The following RCC2 variants were observed in gnomAD, a reference collection of about 807,000 sequenced individuals.
The protein encoded by RCC2 is protein RCC2.
In RCC2, 19 loss-of-function variants were observed where a neutral mutation model predicts 64.1. The observed-to-expected ratio is 0.30, with a 90% CI of 0.21 to 0.44. The LOEUF (loss-of-function observed/expected upper bound fraction) is 0.44. RCC2 is among the 20% of genes least tolerant of loss of function. The pLI is 1.00. For missense variants in RCC2, 508 were observed against 710.4 expected, an observed-to-expected ratio of 0.72 and a Z score of 3.24; for synonymous variants, 325 against 279.6, an observed-to-expected ratio of 1.16 and a Z score of -1.62.
chr1:17,417,921 CA>C (rs1352758180), intron 7 of RCC2, among the ~76,000 whole-genome samples: 1 of 151,982 alleles, frequency 6.6e-6, no homozygotes, highest in African/African-American at 2.4e-5. Context: ...ATAATACAAA[CA>C]ATACAAGTAA....
rs188724793 is a variant in RCC2, at chr1:17,430,864, G to A, written c.286-1665C>T. ...TTGCCTCAGCCTCCCAAGTAGCTGG[G>A]ATTACAGACACTCAGCTAATTTTGT... On this transcript the variant is annotated intron_variant, in intron 2 of 12. Transcript: ENST00000375436. 2.6e-5 allele frequency among the ~76,000 whole-genome samples: 4 copies of A among 151,924 alleles called. 1 individual carries two copies. The highest frequency in any genetic ancestry group is 5.9e-5 in the Non-Finnish European group (4 of 67,964).
chr1:17,422,251 C>T lies in RCC2; in HGVS notation c.696G>A (p.Gly232=), dbSNP rs1430063815. ...SVFAFGENKM[G]QLGLGNQTDA... is the part of the protein sequence containing the mutation. ...CTGTCTGGTTGCCAAGGCCCAGCTG[C>T]CCCATCTTGTTTTCCCCAAACGCAA... Residue 232 remains glycine, a synonymous_variant, in exon 6 of 13, where the codon GGG becomes GGA. Transcript: ENST00000375436. 1.2e-6 allele frequency: 2 copies of T among 1,612,126 alleles called. No individual in the cohort carries two copies. The highest frequency in any genetic ancestry group is 1.7e-6 in the Non-Finnish European group (2 of 1,179,882).
At chr1:17,422,878 T>C (rs1428557341) in intron 4 of RCC2, 42 bp from the exon 5 acceptor site, 1 of 1,612,210 alleles carries the variant, frequency 6.2e-7, no homozygotes, top group Admixed American at 1.7e-5. Context: ...GAGAGGGTGG[T>C]CCAGGCGGCA....
At chr1:17,410,438 T>C (rs1570170575) in intron 11 of RCC2, among the ~76,000 whole-genome samples, 1 of 152,202 alleles carries the variant, frequency 6.6e-6, no homozygotes. Context: ...CCAAATGCCC[T>C]TGATGCCTCC....
intron 8 of RCC2, 72 bp from the exon 9 acceptor site, chr1:17,413,789 G>C: frequency 1.5e-6 from 2 of 1,373,802 alleles, no homozygotes; most frequent in Non-Finnish European, 1.0e-6. Context: ...CATCGTTTCT[G>C]TGCAGACAAC....
At chr1:17,425,955 C>G (rs1324367) in intron 3 of RCC2, among the ~76,000 whole-genome samples, 59,413 of 152,028 alleles carry the variant, frequency 0.39, 12,055 homozygotes, top group African/African-American at 0.5. Context: ...GCCCCAGCCC[C>G]CTCTCTGGGT....
chr1:17,416,374 T>A (rs976765560), intron 8 of RCC2, 106 bp downstream of exon 8: 6 of 1,271,010 alleles, frequency 4.7e-6, no homozygotes, highest in Non-Finnish European at 6.6e-6. Flanking sequence ...AGCAGATGTC[T>A]ACCTGGGATC....
chr1:17,431,237 G>A (rs2075671963), intron 2 of RCC2, among the ~76,000 whole-genome samples: 1 of 147,212 alleles, frequency 6.8e-6, no homozygotes, highest in African/African-American at 2.5e-5. Context: ...GGGAGGCTGA[G>A]GCAGGAGATT....
At position 17,420,605 on chromosome 1, in the gene RCC2, T is replaced by A. The variant is rs555306811; in HGVS notation, c.859+109A>T. The A allele has an allele frequency of 4.8e-5, 30 of 625,442 alleles. 1 individual carries two copies. The South Asian group carries it at 7.7e-4, about 16-fold the overall frequency. The allele number at this position is 625,442 out of a possible 1,614,324, so 38.7% of individuals were successfully genotyped here. On this transcript the variant is annotated intron_variant, in intron 7 of 12. Transcript: ENST00000375436. Reference sequence around the variant, plus strand: ...CACTTAACGGACAAAGGCTATTATCTGAGATCAATTACCCACATTTCTAAC... The same window carrying A: ...CACTTAACGGACAAAGGCTATTATCAGAGATCAATTACCCACATTTCTAAC...
Position 17,416,594 on chromosome 1 carries a change from G to T in RCC2, c.912C>A (p.Asp304Glu). ...FIARAQRIEYDCELVPRRVAI... is the reference protein window; with the variant it reads ...FIARAQRIEYECELVPRRVAI... ...CCACTCGCCGGGGAACTAGTTCACA[G>T]TCGTACTCTATCCGCTGTGCCCGGG... Residue 304 changes from aspartate to glutamate, a missense_variant, in exon 8 of 13, where the codon GAC becomes GAA. This residue lies in a region of RCC2 where 179 missense variants were observed against 322.0 expected (regional missense o/e 0.56). Coordinates refer to ENST00000375436, the MANE Select transcript of RCC2 (RefSeq NM_018715.4). 1 of 1,614,048 alleles carries T rather than the reference G, an allele frequency of 6.2e-7. No homozygotes were observed. Among genetic ancestry groups the T allele is most frequent in the Non-Finnish European group, 8.5e-7 (1 of 1,180,032 alleles).
At chr1:17,428,235 C>T (rs907354681) in intron 3 of RCC2, among the ~76,000 whole-genome samples, 5 of 152,258 alleles carry the variant, frequency 3.3e-5, no homozygotes, top group African/African-American at 4.8e-5. Context: ...CCTGGGCTTA[C>T]GTTACTGTAG....
intron 8 of RCC2, among the ~76,000 whole-genome samples, chr1:17,414,511 C>T (rs1175312702): frequency 3.0e-5 from 4 of 132,612 alleles, no homozygotes; most frequent in Non-Finnish European, 6.1e-5. Context: ...GCCTGGGTGA[C>T]GGAATGAGAC....
chr1:17,434,297 G>A (rs2075714190), intron 2 of RCC2, among the ~76,000 whole-genome samples: 1 of 152,204 alleles, frequency 6.6e-6, no homozygotes, highest in African/African-American at 2.4e-5. Context: ...ACCTCAGGAG[G>A]GAGATGACTG....
chr1:17,429,600 C>G (rs1426955403), intron 2 of RCC2, among the ~76,000 whole-genome samples: 2 of 152,178 alleles, frequency 1.3e-5, no homozygotes, highest in Admixed American at 6.5e-5. Context: ...TTTCACATGG[C>G]AAGCACGGCC....
At chr1:17,422,912 A>G in intron 4 of RCC2, 76 bp from the exon 5 acceptor site, 1 of 1,561,290 alleles carries the variant, frequency 6.4e-7, no homozygotes, top group Non-Finnish European at 8.8e-7. Flanking sequence ...GCGAGTACAA[A>G]CACACTCTCA....
At chr1:17,433,067 T>C (rs2075700237) in intron 2 of RCC2, among the ~76,000 whole-genome samples, 1 of 152,202 alleles carries the variant, frequency 6.6e-6, no homozygotes, top group Non-Finnish European at 1.5e-5. Flanking sequence ...TATACATATA[T>C]ACGTGTGTAT....
intron 2 of RCC2, among the ~76,000 whole-genome samples, chr1:17,433,836 G>T (rs576359209): frequency 2.0e-5 from 3 of 152,178 alleles, no homozygotes; most frequent in African/African-American, 7.2e-5. Flanking sequence ...GCTGCTCCGG[G>T]GAGGTAAGAC....
rs569396060 is a variant in RCC2 at position 17,437,928 on chromosome 1, C to T, written c.285+302G>A. ...CGCAGAGGGAGCTGTGGGGGCGGGG[C>T]CATGACCCCCTCGTGCGGGCTTCGG... On this transcript the variant is annotated intron_variant, in intron 2 of 12. Coordinates refer to ENST00000375436, the MANE Select transcript of RCC2 (RefSeq NM_018715.4). Among the ~76,000 whole-genome samples, 35 of 145,146 alleles carry T rather than the reference C, an allele frequency of 2.4e-4. No individual in the cohort carries two copies. In the South Asian group the frequency reaches 6.7e-3, roughly 28 times the overall value.
intron 5 of RCC2, 93 bp downstream of exon 5, chr1:17,422,612 A>G (rs2075567509): frequency 6.7e-7 from 1 of 1,493,490 alleles, no homozygotes; most frequent in Non-Finnish European, 9.1e-7. Context: ...CAAGAGTCAC[A>G]AGGGGAACTC....
Sources: gnomAD v4.1 joint callset for allele counts (sites outside exome capture counted in the v4.1 genomes callset) on GRCh38, gnomAD v4.1.1 for gene constraint, gnomAD v4.1.1 regional missense constraint, MANE v1.5 for transcripts, NCBI Gene and HGNC (gene_info 2026-07-23, HGNC 2026-07-21) for gene names.